The following TBC1D1 variants were observed in gnomAD, a reference collection of about 807,000 sequenced individuals.
The protein encoded by TBC1D1 is TBC1 domain family member 1, also known as TBC1 (tre-2/USP6, BUB2, cdc16) domain family, member 1.
TBC1D1 carries 89 observed loss-of-function variants against 125.6 expected under a neutral mutation model. That is an observed-to-expected ratio of 0.71 (90% CI 0.60 to 0.85). The LOEUF is 0.85. Ranked by LOEUF, TBC1D1 falls within the 40% of genes least tolerant of loss-of-function variation. The pLI is 0.00. For missense variants in TBC1D1, 1,377 were observed against 1,469.2 expected (o/e 0.94, Z 1.03); for synonymous variants, 565 against 564.1 (o/e 1.00, Z -0.02).
At chr4:37,898,308 A>G (rs574018008) in intron 1 of TBC1D1, among the ~76,000 whole-genome samples, 5 of 152,160 alleles carry the variant, frequency 3.3e-5, no homozygotes, top group African/African-American at 1.2e-4. Flanking sequence ...CACCTTGGAA[A>G]AAAGAGGTGG....
chr4:37,908,796 G>A (rs1330527144), intron 2 of TBC1D1, among the ~76,000 whole-genome samples: 1 of 152,176 alleles, frequency 6.6e-6, no homozygotes, highest in African/African-American at 2.4e-5. Context: ...AAGTTTGAGG[G>A]GGAACAGTGC....
At chr4:38,009,921 C>T (rs1245918137) in intron 2 of TBC1D1, among the ~76,000 whole-genome samples, 1 of 152,096 alleles carries the variant, frequency 6.6e-6, no homozygotes, top group Admixed American at 6.5e-5. Context: ...CTTGTTTGTG[C>T]TATAGTTGGT....
At chr4:38,064,593 A>C (rs1195900742) in intron 12 of TBC1D1, among the ~76,000 whole-genome samples, 4 of 150,862 alleles carry the variant, frequency 2.7e-5, no homozygotes. Flanking sequence ...CCAGAGGGCC[A>C]CAGGTTGGTA....
chr4:38,057,587 A>G (rs1489421185), intron 12 of TBC1D1, among the ~76,000 whole-genome samples: 1 of 152,242 alleles, frequency 6.6e-6, no homozygotes, highest in African/African-American at 2.4e-5. Context: ...GAATTTCTGA[A>G]TAACATTGTT....
intron 2 of TBC1D1, among the ~76,000 whole-genome samples, chr4:37,988,871 C>T (rs1401063685): frequency 1.3e-5 from 2 of 152,174 alleles, no homozygotes; most frequent in Admixed American, 1.3e-4. Context: ...ACCTTCCTCT[C>T]TCTGGAATTC....
chr4:37,926,244 G>A (rs1722086121), intron 2 of TBC1D1, among the ~76,000 whole-genome samples: 1 of 152,196 alleles, frequency 6.6e-6, no homozygotes, highest in Non-Finnish European at 1.5e-5. Context: ...CCAGGATAAG[G>A]ATTCCCTCCC....
Position 38,049,819 on chromosome 4 carries a change from GCCCGGGGGTC to G in TBC1D1, c.1841_1850del (p.Ser614PhefsTer7). ...CGAATGCCAGGAACCTCCACAACCT[GCCCGGGGGTC>G]CCCGGGGGTTTCGCAAAGGAAACTT... is the stretch of plus-strand genomic sequence containing the variant. On this transcript the variant is annotated frameshift_variant, in exon 11 of 20. Transcript: ENST00000261439. LOFTEE classifies it high-confidence loss of function. 1 of 1,614,098 alleles carries G rather than the reference GCCCGGGGGTC, an allele frequency of 6.2e-7. No homozygotes were observed. The highest frequency in any genetic ancestry group is 8.5e-7 in the Non-Finnish European group (1 of 1,180,000).
rs575255491 is a variant in TBC1D1, at chr4:38,035,627, A to G, written c.1342A>G (p.Ile448Val). The change falls in exon 8 of 20, where the codon ATT (isoleucine) becomes GTT (valine). Residue 448 changes from isoleucine (I) to valine (V), a missense_variant. Coordinates refer to ENST00000261439, the MANE Select transcript of TBC1D1 (RefSeq NM_015173.4). The stretch of plus-strand genomic sequence containing the variant: ...AAATGAGCAGCGAGAGAATGAATTG[A>G]TTATTTCTTTTCTGAGATGTTTATA... 6.2e-6 allele frequency: 10 copies of G among 1,613,996 alleles called. No homozygotes were observed. In the African/African-American group the frequency reaches 1.2e-4, roughly 19 times the overall value.
At chr4:38,120,418 T>G (rs1763662648) in intron 17 of TBC1D1, among the ~76,000 whole-genome samples, 1 of 152,244 alleles carries the variant, frequency 6.6e-6, no homozygotes, top group Non-Finnish European at 1.5e-5. Context: ...CACTGATGAC[T>G]TAGAGAATGG....
chr4:37,927,477 T>C (rs1282418009), intron 2 of TBC1D1, among the ~76,000 whole-genome samples: 1 of 152,352 alleles, frequency 6.6e-6, no homozygotes, highest in African/African-American at 2.4e-5. Flanking sequence ...ATATTTTCTT[T>C]GGTCTGGGGA....
intron 14 of TBC1D1, among the ~76,000 whole-genome samples, chr4:38,096,572 G>C (rs916149127): frequency 2.0e-5 from 3 of 152,190 alleles, no homozygotes; most frequent in African/African-American, 7.2e-5. Context: ...AGATGTGGGT[G>C]CTGACAGTGG....
At chr4:38,033,023 T>G (rs1425322716) in intron 7 of TBC1D1, among the ~76,000 whole-genome samples, 2 of 152,290 alleles carry the variant, frequency 1.3e-5, no homozygotes, top group East Asian at 3.9e-4. Flanking sequence ...TTTAGTGACT[T>G]CTGTATGATG....
intron 12 of TBC1D1, among the ~76,000 whole-genome samples, chr4:38,073,545 A>G (rs1002757001): frequency 6.6e-6 from 1 of 152,188 alleles, no homozygotes. Context: ...TTCAAGTCTC[A>G]AGTCCTTTGC....
At chr4:38,096,716 G>T (rs1759412142) in intron 14 of TBC1D1, among the ~76,000 whole-genome samples, 1 of 152,204 alleles carries the variant, frequency 6.6e-6, no homozygotes. Context: ...TACAGAACTT[G>T]AAACTAAGCT....
chr4:38,080,955 G>T (rs1347174071), intron 12 of TBC1D1, among the ~76,000 whole-genome samples: 2 of 152,324 alleles, frequency 1.3e-5, no homozygotes, highest in East Asian at 3.9e-4. Context: ...ATATGAAAGT[G>T]TCAGATATCT....
chr4:38,127,381 C>CTTTTTTT (rs35658047), intron 18 of TBC1D1, among the ~76,000 whole-genome samples: 4 of 124,420 alleles, frequency 3.2e-5, no homozygotes, highest in African/African-American at 1.3e-4. Flanking sequence ...TTTCCACTGA[C>CTTTTTTT]TTTTTTTTTT....
chr4:37,975,846 G>C (rs539996299), intron 2 of TBC1D1, among the ~76,000 whole-genome samples: 1 of 152,110 alleles, frequency 6.6e-6, no homozygotes, highest in South Asian at 2.1e-4. Flanking sequence ...TCATATCTAA[G>C]ATCTATATCT....
intron 16 of TBC1D1, among the ~76,000 whole-genome samples, chr4:38,117,502 C>G (rs1763169419): frequency 6.6e-6 from 1 of 152,182 alleles, no homozygotes; most frequent in African/African-American, 2.4e-5. Flanking sequence ...TGCCAGGTAT[C>G]TGGATATTCC....
chr4:37,974,940 C>T (rs977630072), intron 2 of TBC1D1, among the ~76,000 whole-genome samples: 3 of 152,132 alleles, frequency 2.0e-5, no homozygotes, highest in Non-Finnish European at 4.4e-5. Context: ...CCCTATCATC[C>T]CCTGTAGGGT....
Sources: allele counts gnomAD v4.1 joint callset (sites outside exome capture counted in the v4.1 genomes callset), GRCh38; gene constraint gnomAD v4.1.1; transcripts MANE v1.5; gene names NCBI Gene and HGNC (gene_info 2026-07-23, HGNC 2026-07-21).